Variants in MORC2 observed in about 807,000 individuals in gnomAD.
MORC2 encodes MORC family CW-type zinc finger 2, also known as ATPase MORC2.
In MORC2, 30 loss-of-function variants were observed where a neutral mutation model predicts 136.0. The ratio of observed to expected loss-of-function variants is 0.22; its 90% CI spans 0.17 to 0.30. The LOEUF is 0.30. Among genes scored for constraint, MORC2 ranks in the 10% least tolerant of loss-of-function variants. The probability of loss-of-function intolerance (pLI) is 1.00; values close to 1 mark genes in which losing one functional copy is unlikely to be tolerated. For missense variants in MORC2, 922 were observed against 1,333.1 expected, an observed-to-expected ratio of 0.69 and a Z score of 4.80; for synonymous variants, 439 against 487.0, an observed-to-expected ratio of 0.90 and a Z score of 1.30.
In MORC2 at chr22:30,937,285, T is replaced by A. The variant is rs1046754795; in HGVS notation, c.1499-248A>T. On this transcript the variant is annotated intron_variant, in intron 15 of 25. Coordinates refer to ENST00000397641, the MANE Select transcript of MORC2 (RefSeq NM_001303256.3). The surrounding 1 kb of genome is among the most constrained non-coding windows in gnomAD (Gnocchi z 4.7). The stretch of plus-strand genomic sequence containing the variant: ...CCCTCTCCCTTTTTTATCAAGATCC[T>A]GGCTCAGTCATCCACGCACACCAGA... Among the ~76,000 whole-genome samples, 2 of 152,116 alleles carry A rather than the reference T, an allele frequency of 1.3e-5. No individual in the cohort carries two copies. The highest frequency in any genetic ancestry group is 2.9e-5 in the Non-Finnish European group (2 of 68,010).
At chr22:30,965,626 C>G (rs536085855) in intron 1 of MORC2, among the ~76,000 whole-genome samples, 1 of 152,222 alleles carries the variant, frequency 6.6e-6, no homozygotes, top group African/African-American at 2.4e-5. Context: ...AATGTTCATG[C>G]AAGCAGGTGG....
At chr22:30,928,246 A>C in intron 24 of MORC2, 39 bp from the exon 25 acceptor site, 1 of 1,611,002 alleles carries the variant, frequency 6.2e-7, no homozygotes, top group Admixed American at 1.7e-5. Context: ...GTGTAAGTTC[A>C]CAGGGGTCCC....
intron 25 of MORC2, 141 bp downstream of exon 25, chr22:30,927,878 T>TGCCAGGGTGCTGTGCA (rs2147228506): frequency 2.9e-6 from 3 of 1,021,904 alleles, no homozygotes; most frequent in East Asian, 5.2e-5. Context: ...CAAGCCCTCC[T>TGCCAGGGTGCTGTGCA]GCCAGGGTGC....
Position 30,935,359 on chromosome 22 carries a change from T to C in MORC2, c.1738-37A>G, listed in dbSNP as rs568188918. On this transcript the variant is annotated intron_variant, in intron 17 of 25. Coordinates refer to ENST00000397641, the MANE Select transcript of MORC2 (RefSeq NM_001303256.3). The stretch of plus-strand genomic sequence containing the variant: ...ACATCATGATGAAGTTGTTTGCATA[T>C]TTTAGTATACTTGAGCAAACTTTTT... 3.8e-6 allele frequency: 6 copies of C among 1,596,566 alleles called. No individual in the cohort carries two copies. The African/African-American group carries it at 8.0e-5, about 21-fold the overall frequency.
At position 30,937,837 on chromosome 22, in the gene MORC2, C is replaced by G; in HGVS notation, c.1347G>C (p.Gln449His). The G allele has an allele frequency of 6.2e-7, 1 of 1,614,220 alleles. No homozygotes were observed. Among genetic ancestry groups the G allele is most frequent in the Middle Eastern group, 1.6e-4 (1 of 6,062 alleles). Residue 449 changes from glutamine (Q) to histidine (H), a missense_variant, in exon 14 of 26, where the codon CAG becomes CAC. Transcript: ENST00000397641. This position sits in a 1 kb window ranked among gnomAD's most constrained non-coding sequence, Gnocchi z 4.7. ...LLRAMGEHLA[Q>H]YWKDIAIAQR... ...TACCGATGGCAATATCCTTCCAATA[C>G]TGCGCCAGGTGCTCCCCCATTGCTC...
chr22:30,941,097 G>C lies in MORC2; in HGVS notation c.825-260C>G, dbSNP rs2040735946. 3.9e-5 allele frequency among the ~76,000 whole-genome samples: 6 copies of C among 152,234 alleles called. 1 individual carries two copies. The South Asian group carries it at 1.2e-3, about 32-fold the overall frequency. The stretch of plus-strand genomic sequence containing the variant: ...ATCCCACAGCAGAAACAAACCTCAG[G>C]AGTAAGCCAAGCCCACTGCTTTCCT... On this transcript the variant is annotated intron_variant, in intron 9 of 25. Transcript: ENST00000397641. The surrounding 1 kb of genome is among the most constrained non-coding windows in gnomAD (Gnocchi z 4.6).
Position 30,925,742 on chromosome 22 carries a change from T to G in MORC2, c.*1061A>C, listed in dbSNP as rs1411906128. 4.6e-5 allele frequency: 7 copies of G among 153,656 alleles called. No homozygotes were observed. Among genetic ancestry groups the G allele is most frequent in the Non-Finnish European group, 1.0e-4 (7 of 68,064 alleles). 9.5% of individuals were successfully genotyped at this position (153,656 alleles called of 1,614,324 possible). A position where few individuals can be genotyped will look rare whatever the true frequency, so the allele number is the denominator to read the frequency against. Reference sequence around the variant, plus strand: ...ATTCAGCAACGCTTGCCTTTGTCTTTGACCCTGAGAAGTTAAGGGACACAG... The same window carrying G: ...ATTCAGCAACGCTTGCCTTTGTCTTGGACCCTGAGAAGTTAAGGGACACAG... On this transcript the variant is annotated 3_prime_UTR_variant, in exon 26 of 26. Coordinates refer to ENST00000397641, the MANE Select transcript of MORC2 (RefSeq NM_001303256.3).
At chr22:30,954,381 T>C (rs956928782) in intron 3 of MORC2, among the ~76,000 whole-genome samples, 3 of 152,222 alleles carry the variant, frequency 2.0e-5, no homozygotes, top group African/African-American at 7.2e-5. Flanking sequence ...CCCAATCTCC[T>C]GGTACTTGAA....
intron 6 of MORC2, among the ~76,000 whole-genome samples, chr22:30,942,760 T>C (rs2040760053): frequency 6.6e-6 from 1 of 152,020 alleles, no homozygotes; most frequent in Non-Finnish European, 1.5e-5. Flanking sequence ...ATCCCAGCAC[T>C]TTGGGAGGCT....
chr22:30,967,744 T>C (rs561752658), intron 1 of MORC2, 78 bp downstream of exon 1: 2 of 1,541,456 alleles, frequency 1.3e-6, no homozygotes, highest in East Asian at 2.5e-5. Context: ...AAAAGCAAAA[T>C]TTTCTGGGGA....
At position 30,937,111 on chromosome 22, in the gene MORC2, CCCA is replaced by C. The variant is rs2040666149; in HGVS notation, c.1499-77_1499-75del. 3.7e-6 allele frequency: 4 copies of C among 1,077,700 alleles called. No homozygotes were observed. The highest frequency in any genetic ancestry group is 4.3e-6 in the Non-Finnish European group (3 of 705,310). The allele number at this position is 1,077,700 out of a possible 1,614,324, so 66.8% of individuals were successfully genotyped here. A position where few individuals can be genotyped will look rare whatever the true frequency, so the allele number is the denominator to read the frequency against. On this transcript the variant is annotated intron_variant, in intron 15 of 25. Coordinates refer to ENST00000397641, the MANE Select transcript of MORC2 (RefSeq NM_001303256.3). The surrounding 1 kb of genome is among the most constrained non-coding windows in gnomAD (Gnocchi z 4.7). Reference sequence around the variant, plus strand: ...ATCTGTAATCCGGGTTCCTCACAGGCCCACCACAATGATGCCCCAGACTTTGTA... The same window carrying C: ...ATCTGTAATCCGGGTTCCTCACAGGCCCACAATGATGCCCCAGACTTTGTA...
chr22:30,960,991 G>GAGT (rs1569204363), intron 1 of MORC2, among the ~76,000 whole-genome samples: 1 of 151,390 alleles, frequency 6.6e-6, no homozygotes, highest in East Asian at 1.9e-4. Context: ...TCAGCCTCCC[G>GAGT]AGTAGCTGGG....
intron 1 of MORC2, among the ~76,000 whole-genome samples, chr22:30,964,592 A>C (rs975347906): frequency 6.6e-6 from 1 of 152,230 alleles, no homozygotes; most frequent in Non-Finnish European, 1.5e-5. Flanking sequence ...ACTACCAAAG[A>C]GAAGTAACAG....
At chr22:30,964,529 G>A (rs942745857) in intron 1 of MORC2, among the ~76,000 whole-genome samples, 3 of 152,150 alleles carry the variant, frequency 2.0e-5, no homozygotes, top group Admixed American at 6.5e-5. Flanking sequence ...CACATTTTAT[G>A]CCAAAGGAAC....
chr22:30,948,209 C>T (rs1275184774), intron 5 of MORC2, among the ~76,000 whole-genome samples: 3 of 151,988 alleles, frequency 2.0e-5, no homozygotes, highest in Non-Finnish European at 4.4e-5. Context: ...TGCCTGAGGC[C>T]ATTAAGAAAC....
At position 30,968,194 on chromosome 22, in the gene MORC2, G is replaced by A. The variant is rs989474019; in HGVS notation, c.-305C>T. 6.6e-6 allele frequency: 2 copies of A among 305,164 alleles called. No homozygotes were observed. The highest frequency in any genetic ancestry group is 9.5e-5 in the Admixed American group (2 of 20,998). The allele number at this position is 305,164 out of a possible 1,614,324, so 18.9% of individuals were successfully genotyped here. A position where few individuals can be genotyped will look rare whatever the true frequency, so the allele number is the denominator to read the frequency against. ...TGCGATAGCTCAATTCAGACAATCT[G>A]AGTCTCGTGTGGATGGTCCTGAAGG... On this transcript the variant is annotated 5_prime_UTR_variant, in exon 1 of 26. Transcript: ENST00000397641.
chr22:30,943,266 A>T (rs2040767960), intron 6 of MORC2, among the ~76,000 whole-genome samples: 1 of 152,186 alleles, frequency 6.6e-6, no homozygotes, highest in Non-Finnish European at 1.5e-5. Context: ...TATAGTGAAA[A>T]AGAAGGAAAT....
rs371444768 is a variant in MORC2, at chr22:30,933,491, C to T, written c.2355G>A (p.Ser785=). 70 of 1,613,774 alleles carry T rather than the reference C, an allele frequency of 4.3e-5. No individual in the cohort carries two copies. Among genetic ancestry groups the T allele is most frequent in the Middle Eastern group, 1.6e-4 (1 of 6,082 alleles). The change falls in exon 21 of 26, where the codon TCG becomes TCA. Residue 785 remains serine (S), a synonymous_variant. Transcript: ENST00000397641. ...CTTTCTGAGCTCTCTTGAGGTCAGCCGAGTCCTCTTCCCCAGCACTGTCTG... is the reference window on the plus strand; with the variant it reads ...CTTTCTGAGCTCTCTTGAGGTCAGCTGAGTCCTCTTCCCCAGCACTGTCTG... ...ELSDSAGEED[S]ADLKRAQKDK...
chr22:30,926,818 G>A lies in MORC2; in HGVS notation c.3084C>T (p.Ile1028=), dbSNP rs199801996. Residue 1028 remains isoleucine (I), a synonymous_variant, in exon 26 of 26, where the codon ATC becomes ATT. Transcript: ENST00000397641. ...DELDAYIEDL[I]TKGD is the part of the protein sequence containing the mutation. ...TCTCCTGCCTTCAGTCCCCCTTGGT[G>A]ATGAGGTCCTCAATGTAGGCGTCCA... is the stretch of plus-strand genomic sequence containing the variant. 4 of 1,613,620 alleles carry A rather than the reference G, an allele frequency of 2.5e-6. No individual in the cohort carries two copies. The South Asian group carries it at 3.3e-5, about 13-fold the overall frequency.
Sources: gnomAD v4.1 joint callset for allele counts (sites outside exome capture counted in the v4.1 genomes callset) on GRCh38, gnomAD v4.1.1 for gene constraint, Gnocchi (gnomAD v3.1) non-coding constraint, MANE v1.5 for transcripts, NCBI Gene and HGNC (gene_info 2026-07-23, HGNC 2026-07-21) for gene names.